FBXO4: variants seen among roughly 807,000 people sequenced by gnomAD.
The protein encoded by FBXO4 is F-box protein 4, also known as F-box only protein 4.
In FBXO4, 36 loss-of-function variants were observed where a neutral mutation model predicts 43.7. That is an observed-to-expected ratio of 0.82 (90% CI 0.63 to 1.09). FBXO4 has a LOEUF of 1.09. Among genes scored for constraint, FBXO4 ranks in the 50% least tolerant of loss-of-function variants. The pLI, the probability that FBXO4 is intolerant of heterozygous loss-of-function variation, is 0.00. For synonymous variants in FBXO4, 180 were observed against 165.6 expected, an observed-to-expected ratio of 1.09 and a Z score of -0.67; for missense variants, 435 against 474.1, an observed-to-expected ratio of 0.92 and a Z score of 0.77.
the FBXO4 span, among the ~76,000 whole-genome samples, chr5:41,994,056 A>T: frequency 6.6e-6 from 1 of 151,898 alleles, no homozygotes; most frequent in African/African-American, 2.4e-5. Context: ...TCACAAGTCC[A>T]CTCCTAGACA....
intron 4 of FBXO4, 41 bp downstream of exon 4, chr5:41,934,062 C>T: frequency 6.2e-7 from 1 of 1,610,622 alleles, no homozygotes; most frequent in Non-Finnish European, 8.5e-7. Context: ...AACATCAGAA[C>T]TAAAACATTT....
In FBXO4 at chr5:41,931,590, A is replaced by G. The variant is rs77111856; in HGVS notation, c.646+1673A>G. ...AGTCTTGTCCACTTTATTTTTAGCT[A>G]TATCTGTGGTGCCAGGCACATAACA... On this transcript the variant is annotated intron_variant, in intron 3 of 6. Coordinates refer to ENST00000281623, the MANE Select transcript of FBXO4 (RefSeq NM_012176.3). 4.9e-3 allele frequency among the ~76,000 whole-genome samples: 753 copies of G among 152,344 alleles called. 8 individuals are homozygous for G. The highest frequency in any genetic ancestry group is 0.017 in the African/African-American group (705 of 41,576).
chr5:41,951,822 TAACCAC>T, the FBXO4 span: 1 of 214,174 alleles, frequency 4.7e-6, no homozygotes, highest in East Asian at 1.4e-4. Flanking sequence ...CTGGAATCAG[TAACCAC>T]CAGCAATGTA....
chr5:41,993,440 A>C, the FBXO4 span, among the ~76,000 whole-genome samples: 1 of 152,068 alleles, frequency 6.6e-6, no homozygotes, highest in South Asian at 2.1e-4. Context: ...TCACGTAGTT[A>C]CAATTTTTTT....
the FBXO4 span, among the ~76,000 whole-genome samples, chr5:41,995,011 T>C: frequency 3.9e-5 from 6 of 152,130 alleles, no homozygotes; most frequent in Non-Finnish European, 7.4e-5. Flanking sequence ...TGGAGAACTT[T>C]TCCCAAGCCC....
chr5:41,966,367 A>G, the FBXO4 span, among the ~76,000 whole-genome samples: 2 of 152,210 alleles, frequency 1.3e-5, no homozygotes, highest in Non-Finnish European at 2.9e-5. Context: ...ATATTCCCTA[A>G]CAACACAAAA....
chr5:41,979,794 C>T, the FBXO4 span, among the ~76,000 whole-genome samples: 22 of 152,290 alleles, frequency 1.4e-4, no homozygotes, highest in African/African-American at 5.3e-4. Flanking sequence ...TCTGCAATAA[C>T]AACATGCTTC....
chr5:41,989,673 G>A, the FBXO4 span, among the ~76,000 whole-genome samples: 26 of 152,176 alleles, frequency 1.7e-4, no homozygotes, highest in South Asian at 8.3e-4. Flanking sequence ...TATATTTGTC[G>A]AATTGCTCAA....
the FBXO4 span, among the ~76,000 whole-genome samples, chr5:41,999,142 A>C: frequency 6.6e-6 from 1 of 151,840 alleles, no homozygotes; most frequent in Non-Finnish European, 1.5e-5. Context: ...GTGGTGAATC[A>C]AGAGTGTCAA....
At chr5:41,999,463 G>A in the FBXO4 span, among the ~76,000 whole-genome samples, 6,031 of 65,700 alleles carry the variant, frequency 0.092, 256 homozygotes, top group African/African-American at 0.16. Flanking sequence ...GTGTGTGTGT[G>A]TGTATATATA....
the FBXO4 span, among the ~76,000 whole-genome samples, chr5:42,010,888 A>T: frequency 6.6e-6 from 1 of 151,164 alleles, no homozygotes; most frequent in South Asian, 2.1e-4. Context: ...CTTTTTTTTT[A>T]AATTATACTT....
chr5:41,959,203 T>C, the FBXO4 span, among the ~76,000 whole-genome samples: 1 of 152,186 alleles, frequency 6.6e-6, no homozygotes, highest in Non-Finnish European at 1.5e-5. Flanking sequence ...TTGAGAAATG[T>C]CAGTTCAAGT....
At chr5:41,992,848 A>T in the FBXO4 span, among the ~76,000 whole-genome samples, 1 of 152,180 alleles carries the variant, frequency 6.6e-6, no homozygotes, top group Non-Finnish European at 1.5e-5. Context: ...TATTCTTTCT[A>T]CTGCCAGATT....
chr5:41,976,496 A>G, the FBXO4 span, among the ~76,000 whole-genome samples: 1 of 152,242 alleles, frequency 6.6e-6, no homozygotes, highest in Non-Finnish European at 1.5e-5. Flanking sequence ...AAATTGGCCA[A>G]AAAGAAAGGG....
chr5:42,006,887 G>GATATATATATATATATATATGTATAT, the FBXO4 span, among the ~76,000 whole-genome samples: 1 of 79,118 alleles, frequency 1.3e-5, no homozygotes, highest in African/African-American at 6.1e-5. Context: ...GGTTCATGCT[G>GATATATATATATATATATATGTATAT]ATATATATAT....
At chr5:41,940,062 G>A (rs1442802477) in intron 6 of FBXO4, among the ~76,000 whole-genome samples, 2 of 151,506 alleles carry the variant, frequency 1.3e-5, no homozygotes, top group Admixed American at 1.3e-4. Context: ...TGTTGCCCAG[G>A]CTGATCTCGA....
At chr5:41,980,524 A>C in the FBXO4 span, among the ~76,000 whole-genome samples, 6 of 152,174 alleles carry the variant, frequency 3.9e-5, no homozygotes, top group Non-Finnish European at 7.4e-5. Flanking sequence ...CCTTATGATA[A>C]ATAAAAGCAT....
At chr5:41,956,011 T>A in the FBXO4 span, among the ~76,000 whole-genome samples, 532 of 152,286 alleles carry the variant, frequency 3.5e-3, 2 homozygotes, top group African/African-American at 0.012. Flanking sequence ...GATCAACGTT[T>A]AAGAATATTT....
chr5:41,952,096 A>G, the FBXO4 span: 1 of 184,938 alleles, frequency 5.4e-6, no homozygotes, highest in African/African-American at 2.4e-5. Context: ...TCCATTTGGA[A>G]GTCAAGGATG....
Sources: gnomAD v4.1 joint callset for allele counts (sites outside exome capture counted in the v4.1 genomes callset) on GRCh38, gnomAD v4.1.1 for gene constraint, MANE v1.5 for transcripts, NCBI Gene and HGNC (gene_info 2026-07-23, HGNC 2026-07-21) for gene names.